The following CDC42BPB variants were observed in gnomAD, a reference collection of about 807,000 sequenced individuals.
CDC42BPB encodes CDC42 binding protein kinase beta.
Under a neutral mutation model 214.9 loss-of-function variants are expected in CDC42BPB, and 37 were observed. That is an observed-to-expected ratio of 0.17 (90% CI 0.13 to 0.23). The LOEUF is 0.23. Among genes scored for constraint, CDC42BPB ranks in the 10% least tolerant of loss-of-function variants. The probability of loss-of-function intolerance (pLI) is 1.00; values close to 1 mark genes in which losing one functional copy is unlikely to be tolerated. For missense variants in CDC42BPB, 1,694 were observed against 2,227.0 expected (o/e 0.76, Z 4.82); for synonymous variants, 931 against 884.0 (o/e 1.05, Z -0.94).
intron 1 of CDC42BPB, among the ~76,000 whole-genome samples, chr14:103,019,331 G>A (rs1253498920): frequency 6.6e-6 from 1 of 152,218 alleles, no homozygotes; most frequent in African/African-American, 2.4e-5. Flanking sequence ...CCAAGTTGCA[G>A]CAACTGGGAG....
chr14:102,967,117 C>T lies in CDC42BPB; in HGVS notation c.2400G>A (p.Glu800=). The change falls in exon 17 of 37, where the codon GAG becomes GAA. Residue 800 remains glutamate (E), a synonymous_variant. Transcript: ENST00000361246. ...CCTTCTTGGCTGCCAGATCCTGCAG[C>T]TCATCCTCCAGCTGTCTATTTTGAG... The part of the protein sequence containing the change: ...LTAQNRQLED[E]LQDLAAKKES... 2 of 1,614,232 alleles carry T rather than the reference C, an allele frequency of 1.2e-6. No homozygotes were observed. The highest frequency in any genetic ancestry group is 1.7e-6 in the Non-Finnish European group (2 of 1,180,032).
chr14:102,940,288 T>C lies in CDC42BPB; in HGVS notation c.4445A>G (p.Tyr1482Cys). 2.5e-6 allele frequency: 4 copies of C among 1,587,562 alleles called. No individual in the cohort carries two copies. The highest frequency in any genetic ancestry group is 3.4e-6 in the Non-Finnish European group (4 of 1,166,998). Reference sequence around the variant, plus strand: ...GCGCACATCAAAGACGTCCACGCCATACTCGCTGTACACCGTGACGTGGGT... The same window carrying C: ...GCGCACATCAAAGACGTCCACGCCACACTCGCTGTACACCGTGACGTGGGT... ...SPTHVTVYSE[Y>C]GVDVFDVRTM... The change falls in exon 31 of 37, where the codon TAT becomes TGT. Residue 1482 changes from tyrosine (Y) to cysteine (C), a missense_variant. Around this residue, in one of 7 missense-constraint regions of CDC42BPB, gnomAD observed 567 missense variants for 790.3 expected, o/e 0.72. Coordinates refer to ENST00000361246, the MANE Select transcript of CDC42BPB (RefSeq NM_006035.4).
intron 1 of CDC42BPB, among the ~76,000 whole-genome samples, chr14:103,029,251 G>C: frequency 6.6e-6 from 1 of 152,222 alleles, no homozygotes; most frequent in East Asian, 1.9e-4. Context: ...CAGCACCAGA[G>C]AAGTGAGGCT....
Position 102,940,122 on chromosome 14 carries a change from G to C in CDC42BPB, c.4515C>G (p.Pro1505=). The C allele has an allele frequency of 5.0e-6, 8 of 1,614,040 alleles. No individual in the cohort carries two copies. Among genetic ancestry groups the C allele is most frequent in the Non-Finnish European group, 6.8e-6 (8 of 1,180,046 alleles). Residue 1505 remains proline, a synonymous_variant, in exon 32 of 37, where the codon CCC becomes CCG. Coordinates refer to ENST00000361246, the MANE Select transcript of CDC42BPB (RefSeq NM_006035.4). The part of the protein sequence containing the change: ...VQTIGLRRIR[P]LNSEGTLNLL... ...GGTTGAGGGTGCCTTCAGAGTTCAGGGGCCTTATCTGGATTGGAAACCAGG... is the reference window on the plus strand; with the variant it reads ...GGTTGAGGGTGCCTTCAGAGTTCAGCGGCCTTATCTGGATTGGAAACCAGG...
intron 1 of CDC42BPB, among the ~76,000 whole-genome samples, chr14:103,053,520 G>T (rs1279088257): frequency 1.3e-5 from 2 of 151,810 alleles, no homozygotes; most frequent in African/African-American, 4.8e-5. Context: ...CAAGAACTTT[G>T]GGAGGCCAAG....
At chr14:103,006,141 C>A (rs1885805608) in intron 3 of CDC42BPB, among the ~76,000 whole-genome samples, 1 of 152,090 alleles carries the variant, frequency 6.6e-6, no homozygotes, top group Non-Finnish European at 1.5e-5. Flanking sequence ...ATTCTGGAAT[C>A]ATCACAACCC....
In CDC42BPB at chr14:103,002,612, C is replaced by T. The variant is rs7145348; in HGVS notation, c.447+1316G>A. On this transcript the variant is annotated intron_variant, in intron 4 of 36. Transcript: ENST00000361246. ...GGGAGCAGGGACACTGAGCAGGAAG[C>T]GGGGGGGTTTATGTGGAGGTGGCCC... 5.5e-3 allele frequency among the ~76,000 whole-genome samples: 840 copies of T among 152,072 alleles called. 13 individuals are homozygous for T. The highest frequency in any genetic ancestry group is 0.019 in the African/African-American group (799 of 41,466).
At position 102,965,421 on chromosome 14, in the gene CDC42BPB, A is replaced by G. The variant is rs74379070; in HGVS notation, c.2578-771T>C. The stretch of plus-strand genomic sequence containing the variant: ...AAAAAAAAAAAAAAAGACTAAAATA[A>G]TAAGGGAAGAATGACAGAGTGACCT... On this transcript the variant is annotated intron_variant, in intron 18 of 36. Transcript: ENST00000361246. Among the ~76,000 whole-genome samples the G allele has an allele frequency of 5.0e-4, 76 of 151,970 alleles. 1 individual carries two copies. The East Asian group carries it at 0.011, about 22-fold the overall frequency.
At chr14:103,048,179 G>A (rs1241473305) in intron 1 of CDC42BPB, among the ~76,000 whole-genome samples, 1 of 152,166 alleles carries the variant, frequency 6.6e-6, no homozygotes, top group East Asian at 1.9e-4. Flanking sequence ...AAGATTATGT[G>A]AGGTGTTTAA....
intron 13 of CDC42BPB, among the ~76,000 whole-genome samples, chr14:102,971,620 C>T (rs1403304152): frequency 6.6e-6 from 1 of 152,238 alleles, no homozygotes; most frequent in African/African-American, 2.4e-5. Flanking sequence ...GCCACCTGCC[C>T]TGTGTGGACT....
intron 1 of CDC42BPB, among the ~76,000 whole-genome samples, chr14:103,028,744 TCTC>T (rs997701999): frequency 7.2e-5 from 11 of 152,232 alleles, no homozygotes; most frequent in African/African-American, 2.7e-4. Context: ...CAGAACATAC[TCTC>T]CTATCTAAAT....
At chr14:102,953,439 A>G (rs762212040) in intron 23 of CDC42BPB, among the ~76,000 whole-genome samples, 3 of 152,262 alleles carry the variant, frequency 2.0e-5, no homozygotes, top group Non-Finnish European at 2.9e-5. Flanking sequence ...CAAGAGTCTT[A>G]GTCCAAAAGC....
chr14:102,998,567 GTGAAGATGTGGACTCAGTGGCTGAGTCAC>G, intron 5 of CDC42BPB, among the ~76,000 whole-genome samples: 1 of 152,368 alleles, frequency 6.6e-6, no homozygotes, highest in Middle Eastern at 3.4e-3. Context: ...CAAGAGGGAT[GTGAAGATGTGGACTCAGTGGCTGAGTCAC>G]TGGGGAGCTG....
Position 103,001,828 on chromosome 14 carries a change from C to T in CDC42BPB, c.447+2100G>A, listed in dbSNP as rs757459584. On this transcript the variant is annotated intron_variant, in intron 4 of 36. Transcript: ENST00000361246. This position sits in a 1 kb window ranked among gnomAD's most constrained non-coding sequence, Gnocchi z 5.8. ...ACTAGCTGAGCCCCAGCCGCGTCCA[C>T]GTCTGCCGAGAACTCTAAGAGGAGG... is the stretch of plus-strand genomic sequence containing the variant. 5.3e-5 allele frequency among the ~76,000 whole-genome samples: 8 copies of T among 152,276 alleles called. No individual in the cohort carries two copies. Among genetic ancestry groups the T allele is most frequent in the African/African-American group, 1.2e-4 (5 of 41,554 alleles).
chr14:103,004,181 A>C lies in CDC42BPB; in HGVS notation c.352-158T>G. Reference sequence around the variant, plus strand: ...CACCACCCCGAGGCTGCTGAGGCTGAGCCATCCCTCATCCCTTCCTCTCCC... The same window carrying C: ...CACCACCCCGAGGCTGCTGAGGCTGCGCCATCCCTCATCCCTTCCTCTCCC... On this transcript the variant is annotated intron_variant, in intron 3 of 36. Transcript: ENST00000361246. The surrounding 1 kb of genome is among the most constrained non-coding windows in gnomAD (Gnocchi z 5.3). The C allele has an allele frequency of 7.3e-7, 1 of 1,377,842 alleles. No homozygotes were observed. Among genetic ancestry groups the C allele is most frequent in the South Asian group, 1.6e-5 (1 of 61,442 alleles). 85.4% of individuals were successfully genotyped at this position (1,377,842 alleles called of 1,614,324 possible). A position where few individuals can be genotyped will look rare whatever the true frequency, so the allele number is the denominator to read the frequency against.
chr14:103,025,572 C>T (rs1887005112), intron 1 of CDC42BPB, among the ~76,000 whole-genome samples: 3 of 148,814 alleles, frequency 2.0e-5, no homozygotes, highest in South Asian at 4.3e-4. Context: ...AATCCCAGCA[C>T]TTTGGGAAGC....
At chr14:102,974,821 C>T (rs34298795) in intron 11 of CDC42BPB, among the ~76,000 whole-genome samples, 4,966 of 152,156 alleles carry the variant, frequency 0.033, 271 homozygotes, top group African/African-American at 0.11. Flanking sequence ...ATTAGCCAGG[C>T]GTGGTGGGGG....
chr14:102,989,250 T>A (rs1332525026), intron 5 of CDC42BPB, among the ~76,000 whole-genome samples: 1 of 152,158 alleles, frequency 6.6e-6, no homozygotes, highest in Non-Finnish European at 1.5e-5. Context: ...AGTCTGAAAA[T>A]GCACGGTTGG....
rs34111157 is a variant in CDC42BPB at position 102,943,597 on chromosome 14, G to A, written c.4408+294C>T. 5.3e-4 allele frequency among the ~76,000 whole-genome samples: 80 copies of A among 151,242 alleles called. 1 individual carries two copies. In the East Asian group the frequency reaches 0.011, roughly 22 times the overall value. ...TGCCACGCCCCGTTCTCGGTTCGCC[G>A]AGCCCTTCTGCCCAGGGGCCTATGC... On this transcript the variant is annotated intron_variant, in intron 30 of 36. Coordinates refer to ENST00000361246, the MANE Select transcript of CDC42BPB (RefSeq NM_006035.4). The surrounding 1 kb of genome is among the most constrained non-coding windows in gnomAD (Gnocchi z 4.6).
Sources: gnomAD v4.1 joint callset for allele counts (sites outside exome capture counted in the v4.1 genomes callset) on GRCh38, gnomAD v4.1.1 for gene constraint, gnomAD v4.1.1 regional missense constraint, Gnocchi (gnomAD v3.1) non-coding constraint, MANE v1.5 for transcripts, NCBI Gene and HGNC (gene_info 2026-07-23, HGNC 2026-07-21) for gene names.